The following PDE4D variants were observed in gnomAD, a reference collection of about 807,000 sequenced individuals.
PDE4D encodes 3',5'-cyclic-AMP phosphodiesterase 4D.
PDE4D carries 24 observed loss-of-function variants against 87.4 expected under a neutral mutation model. That is an observed-to-expected ratio of 0.27 (90% CI 0.20 to 0.39). The LOEUF is 0.39. Ranked by LOEUF, PDE4D falls within the 10% of genes least tolerant of loss-of-function variation. PDE4D has a pLI of 1.00. For synonymous variants in PDE4D, 384 were observed against 383.2 expected, an observed-to-expected ratio of 1.00 and a Z score of -0.02; for missense variants, 714 against 1,041.0, an observed-to-expected ratio of 0.69 and a Z score of 4.32.
intron 1 of PDE4D, among the ~76,000 whole-genome samples, chr5:59,755,718 A>G (rs2150749105): frequency 6.6e-6 from 1 of 152,276 alleles, no homozygotes; most frequent in Non-Finnish European, 1.5e-5. Flanking sequence ...AAAGCAAAGT[A>G]AAACAAATAC....
intron 1 of PDE4D, among the ~76,000 whole-genome samples, chr5:60,331,419 C>T (rs985619511): frequency 1.3e-5 from 2 of 152,226 alleles, no homozygotes; most frequent in Non-Finnish European, 2.9e-5. Flanking sequence ...CTCTCCTACC[C>T]CTCCTTCTCT....
intron 3 of PDE4D, among the ~76,000 whole-genome samples, chr5:59,973,694 T>A (rs551449667): frequency 9.9e-5 from 15 of 152,280 alleles, no homozygotes; most frequent in Middle Eastern, 3.4e-3. Context: ...TTGACATTTC[T>A]TCTTAAGACA....
chr5:59,809,061 T>C (rs1021783375), intron 1 of PDE4D, among the ~76,000 whole-genome samples: 1 of 152,190 alleles, frequency 6.6e-6, no homozygotes, highest in African/African-American at 2.4e-5. Flanking sequence ...TTTAAAAATA[T>C]AATGTAATAT....
chr5:59,653,544 A>G (rs1743874117), intron 1 of PDE4D, among the ~76,000 whole-genome samples: 1 of 152,186 alleles, frequency 6.6e-6, no homozygotes, highest in Non-Finnish European at 1.5e-5. Flanking sequence ...GGTATAAATA[A>G]ACAATAAGCA....
chr5:59,605,434 T>C (rs908953401), intron 1 of PDE4D, among the ~76,000 whole-genome samples: 1 of 151,614 alleles, frequency 6.6e-6, no homozygotes, highest in Non-Finnish European at 1.5e-5. Flanking sequence ...CACAATTTTG[T>C]TCTTAAGTCT....
intron 5 of PDE4D, among the ~76,000 whole-genome samples, chr5:59,112,792 C>T (rs1219219121): frequency 1.5e-5 from 2 of 137,182 alleles, no homozygotes; most frequent in African/African-American, 2.8e-5. Context: ...TTTTTCTCTT[C>T]CTTTTTCTTT....
intron 1 of PDE4D, among the ~76,000 whole-genome samples, chr5:59,788,146 A>C (rs949783456): frequency 6.6e-6 from 1 of 152,238 alleles, no homozygotes; most frequent in African/African-American, 2.4e-5. Flanking sequence ...GACATCATGG[A>C]AGACTTTAAA....
At chr5:60,280,978 C>T (rs1427830253) in intron 1 of PDE4D, among the ~76,000 whole-genome samples, 1 of 152,178 alleles carries the variant, frequency 6.6e-6, no homozygotes, top group Non-Finnish European at 1.5e-5. Context: ...ACATGTGAAA[C>T]ACACTGCCTG....
At chr5:59,789,366 G>A (rs1024184780) in intron 1 of PDE4D, among the ~76,000 whole-genome samples, 6 of 152,236 alleles carry the variant, frequency 3.9e-5, no homozygotes, top group East Asian at 1.9e-4. Flanking sequence ...GGCAATATGC[G>A]TTATGTCATC....
At chr5:60,267,254 A>G (rs1186812291) in intron 1 of PDE4D, among the ~76,000 whole-genome samples, 1 of 152,238 alleles carries the variant, frequency 6.6e-6, no homozygotes, top group Non-Finnish European at 1.5e-5. Context: ...GTTATTATCT[A>G]TCAGGGTCTA....
At chr5:59,612,448 TTATC>T (rs1430032844) in intron 1 of PDE4D, among the ~76,000 whole-genome samples, 1 of 152,172 alleles carries the variant, frequency 6.6e-6, no homozygotes, top group African/African-American at 2.4e-5. Context: ...CAGTAATTAT[TTATC>T]TATTCAACAA....
intron 1 of PDE4D, among the ~76,000 whole-genome samples, chr5:60,360,910 A>T (rs1411073829): frequency 6.6e-6 from 1 of 152,242 alleles, no homozygotes; most frequent in Non-Finnish European, 1.5e-5. Context: ...GTTTACTTGA[A>T]TTATTAGTTG....
At chr5:59,609,209 G>A (rs947484379) in intron 1 of PDE4D, among the ~76,000 whole-genome samples, 2 of 152,082 alleles carry the variant, frequency 1.3e-5, no homozygotes, top group Non-Finnish European at 2.9e-5. Context: ...AAGGAAGAAG[G>A]TGTACTCATC....
At chr5:59,863,937 C>A (rs1461749422) in intron 1 of PDE4D, among the ~76,000 whole-genome samples, 2 of 152,158 alleles carry the variant, frequency 1.3e-5, no homozygotes, top group African/African-American at 4.8e-5. Flanking sequence ...AGCTTCAAAA[C>A]CCTGACTGGC....
At chr5:60,111,037 G>A (rs1352030768) in intron 2 of PDE4D, among the ~76,000 whole-genome samples, 1 of 151,946 alleles carries the variant, frequency 6.6e-6, no homozygotes, top group Non-Finnish European at 1.5e-5. Flanking sequence ...GAAGGAGTTG[G>A]TTAACAGATA....
intron 1 of PDE4D, among the ~76,000 whole-genome samples, chr5:59,744,957 T>C (rs965744233): frequency 6.6e-6 from 1 of 152,174 alleles, no homozygotes; most frequent in African/African-American, 2.4e-5. Context: ...CATTGTGATA[T>C]CAAGGATGAG....
At chr5:59,567,805 A>G (rs1821193638) in intron 1 of PDE4D, among the ~76,000 whole-genome samples, 1 of 152,202 alleles carries the variant, frequency 6.6e-6, no homozygotes, top group South Asian at 2.1e-4. Context: ...CAAGAGGAAG[A>G]AGCTAGAATG....
intron 1 of PDE4D, among the ~76,000 whole-genome samples, chr5:59,812,395 C>T (rs181166213): frequency 6.6e-6 from 1 of 152,136 alleles, no homozygotes; most frequent in Admixed American, 6.6e-5. Flanking sequence ...TGGGGCCAGG[C>T]GTCATGGCAC....
At chr5:59,158,505 C>T (rs569670045) in intron 5 of PDE4D, among the ~76,000 whole-genome samples, 26 of 152,200 alleles carry the variant, frequency 1.7e-4, no homozygotes, top group South Asian at 6.2e-4. Context: ...GTTGAAAACT[C>T]AAAATAGCAA....
Sources: gnomAD v4.1 joint callset for allele counts (sites outside exome capture counted in the v4.1 genomes callset) on GRCh38, gnomAD v4.1.1 for gene constraint, MANE v1.5 for transcripts, NCBI Gene and HGNC (gene_info 2026-07-23, HGNC 2026-07-21) for gene names.